Variants in TG observed in about 807,000 individuals in gnomAD.
TG encodes the protein thyroglobulin, also known as thyroid hormones.
Under a neutral mutation model 324.7 loss-of-function variants are expected in TG, and 270 were observed. The ratio of observed to expected loss-of-function variants is 0.83; its 90% CI spans 0.75 to 0.92. The LOEUF is 0.92. Ranked by LOEUF, TG falls within the 40% of genes least tolerant of loss-of-function variation. The pLI, the probability that TG is intolerant of heterozygous loss-of-function variation, is 0.00. For missense variants in TG, 3,591 were observed against 3,456.4 expected (o/e 1.04, Z -0.98); for synonymous variants, 1,401 against 1,327.0 (o/e 1.06, Z -1.21).
chr8:132,895,758 G>A (rs1816997706), intron 11 of TG, among the ~76,000 whole-genome samples: 3 of 152,372 alleles, frequency 2.0e-5, no homozygotes, highest in Middle Eastern at 3.4e-3. Context: ...AGAGAAGTGG[G>A]ATTGGTGCTC....
At chr8:132,945,793 G>A (rs1825181865) in intron 26 of TG, among the ~76,000 whole-genome samples, 1 of 152,136 alleles carries the variant, frequency 6.6e-6, no homozygotes, top group Non-Finnish European at 1.5e-5. Flanking sequence ...GGGTGGGAGA[G>A]CGTTGCATGG....
intron 41 of TG, among the ~76,000 whole-genome samples, chr8:133,035,106 T>C (rs1233664470): frequency 6.6e-6 from 1 of 152,254 alleles, no homozygotes; most frequent in African/African-American, 2.4e-5. Context: ...TATTGTTCCT[T>C]TAGCTTCTTA....
In TG at chr8:132,888,562, C is replaced by T. The variant is rs1036861607; in HGVS notation, c.2755C>T (p.Pro919Ser). ...EGMRSEPSKL[P>S]TCPGSCEEAK... is the part of the protein sequence containing the mutation. ...AATGCGGTCTGAGCCAAGCAAGCTC[C>T]CAACATGTGAGCTAACGCATATGAA... The change falls in exon 10 of 48, where the codon CCA (proline) becomes TCA (serine). Residue 919 changes from proline (P) to serine (S), a missense_variant. Coordinates refer to ENST00000220616, the MANE Select transcript of TG (RefSeq NM_003235.5). 1.2e-6 allele frequency: 2 copies of T among 1,610,538 alleles called. No homozygotes were observed. Among genetic ancestry groups the T allele is most frequent in the African/African-American group, 2.7e-5 (2 of 74,760 alleles).
At chr8:133,077,868 C>T (rs931144421) in intron 41 of TG, among the ~76,000 whole-genome samples, 6 of 152,052 alleles carry the variant, frequency 3.9e-5, no homozygotes, top group Non-Finnish European at 7.4e-5. Flanking sequence ...AGGAGCCCCC[C>T]GCACCCCTCC....
intron 18 of TG, 103 bp from the exon 19 acceptor site, chr8:132,911,274 T>C: frequency 3.7e-6 from 6 of 1,603,360 alleles, no homozygotes; most frequent in Non-Finnish European, 4.3e-6. Context: ...TGGTGGAGGA[T>C]TGAAGGAAGT....
At chr8:133,045,184 C>T (rs1839090175) in intron 41 of TG, 4 of 1,568,722 alleles carry the variant, frequency 2.5e-6, no homozygotes, top group Non-Finnish European at 3.5e-6. Flanking sequence ...GCTAACCAGC[C>T]CACCACCACT....
At chr8:132,902,335 A>T (rs1323385461) in intron 16 of TG, among the ~76,000 whole-genome samples, 1 of 152,146 alleles carries the variant, frequency 6.6e-6, no homozygotes, top group Non-Finnish European at 1.5e-5. Context: ...TTGGAACTGC[A>T]GGGAAATTTA....
chr8:133,082,636 T>G (rs906229631), intron 41 of TG, among the ~76,000 whole-genome samples: 1 of 152,204 alleles, frequency 6.6e-6, no homozygotes, highest in Non-Finnish European at 1.5e-5. Context: ...GTCAGGCCTC[T>G]TAAACACTCT....
chr8:133,010,050 G>T (rs1487428972), intron 35 of TG, among the ~76,000 whole-genome samples: 1 of 152,172 alleles, frequency 6.6e-6, no homozygotes, highest in East Asian at 1.9e-4. Context: ...TAAGAACAGG[G>T]TGTTATCAAA....
intron 43 of TG, among the ~76,000 whole-genome samples, chr8:133,110,682 A>C (rs1400344795): frequency 2.0e-5 from 3 of 152,218 alleles, no homozygotes; most frequent in Non-Finnish European, 4.4e-5. Context: ...CGTTATTTCT[A>C]ATTCTCAAAA....
At chr8:132,981,053 A>G (rs1243655593) in intron 34 of TG, among the ~76,000 whole-genome samples, 1 of 152,194 alleles carries the variant, frequency 6.6e-6, no homozygotes, top group Non-Finnish European at 1.5e-5. Context: ...GTAAATTGCT[A>G]CCTACATATG....
chr8:133,003,901 T>G (rs1833791110), intron 35 of TG, among the ~76,000 whole-genome samples: 1 of 152,256 alleles, frequency 6.6e-6, no homozygotes, highest in Non-Finnish European at 1.5e-5. Flanking sequence ...TGTTTGGTCT[T>G]GGGCAAGTCA....
chr8:133,039,915 C>T lies in TG; in HGVS notation c.7239+9892C>T, dbSNP rs1837849602. Reference sequence around the variant, plus strand: ...ATGGTTTTCATGTGCTCGGCACACACACCGTTTTGTGCTCACATGTTCACA... The same window carrying T: ...ATGGTTTTCATGTGCTCGGCACACATACCGTTTTGTGCTCACATGTTCACA... On this transcript the variant is annotated intron_variant, in intron 41 of 47. Transcript: ENST00000220616. 1.5e-5 allele frequency: 22 copies of T among 1,505,772 alleles called. 2 individuals are homozygous for T. In the South Asian group the frequency reaches 2.3e-4, roughly 15 times the overall value. 93.3% of individuals were successfully genotyped at this position (1,505,772 alleles called of 1,614,324 possible). A position where few individuals can be genotyped will look rare whatever the true frequency, so the allele number is the denominator to read the frequency against.
chr8:133,043,665 C>T (rs1252929024), intron 41 of TG, among the ~76,000 whole-genome samples: 2 of 152,186 alleles, frequency 1.3e-5, no homozygotes, highest in Non-Finnish European at 2.9e-5. Flanking sequence ...TGAGCTTGGA[C>T]CTGCCTCTCC....
intron 41 of TG, among the ~76,000 whole-genome samples, chr8:133,061,345 C>T (rs549494894): frequency 6.6e-6 from 1 of 152,272 alleles, no homozygotes; most frequent in South Asian, 2.1e-4. Flanking sequence ...TTGGGGAACA[C>T]TAATTGAACA....
At chr8:132,999,754 T>C (rs1490187618) in intron 35 of TG, among the ~76,000 whole-genome samples, 1 of 152,238 alleles carries the variant, frequency 6.6e-6, no homozygotes, top group Non-Finnish European at 1.5e-5. Context: ...GGCTCTTTAC[T>C]ATCTTCTCAG....
intron 22 of TG, among the ~76,000 whole-genome samples, chr8:132,924,135 G>A (rs1276692925): frequency 6.6e-6 from 1 of 151,872 alleles, no homozygotes; most frequent in Non-Finnish European, 1.5e-5. Flanking sequence ...CCCATTTGGG[G>A]GTGATGGGAG....
intron 41 of TG, among the ~76,000 whole-genome samples, chr8:133,031,933 C>A (rs1230338883): frequency 6.6e-6 from 1 of 152,134 alleles, no homozygotes; most frequent in Non-Finnish European, 1.5e-5. Context: ...CTTGTGCTGC[C>A]TGTACGTCTC....
chr8:132,902,445 G>C (rs965437829), intron 16 of TG, among the ~76,000 whole-genome samples: 5 of 152,240 alleles, frequency 3.3e-5, no homozygotes, highest in South Asian at 2.1e-4. Flanking sequence ...TCATTGCGGG[G>C]GTTGCTTTCC....
Sources: allele counts gnomAD v4.1 joint callset (sites outside exome capture counted in the v4.1 genomes callset), GRCh38; gene constraint gnomAD v4.1.1; transcripts MANE v1.5; gene names NCBI Gene and HGNC (gene_info 2026-07-23, HGNC 2026-07-21).